Variants in CDH23 observed in about 807,000 individuals in gnomAD.
CDH23 encodes the protein cadherin-23.
Under a neutral mutation model 317.1 loss-of-function variants are expected in CDH23, and 189 were observed. The ratio of observed to expected loss-of-function variants is 0.60; its 90% CI spans 0.53 to 0.67. The LOEUF is 0.67. Ranked by LOEUF, CDH23 falls within the 30% of genes least tolerant of loss-of-function variation. The probability of loss-of-function intolerance (pLI) is 0.00; values close to 1 mark genes in which losing one functional copy is unlikely to be tolerated. For missense variants in CDH23, 4,401 were observed against 4,592.4 expected, an observed-to-expected ratio of 0.96 and a Z score of 1.20; for synonymous variants, 1,839 against 1,876.8, an observed-to-expected ratio of 0.98 and a Z score of 0.52.
Position 71,785,027 on chromosome 10 carries a change from G to A in CDH23, c.5639G>A (p.Ser1880Asn), listed in dbSNP as rs1564792238. ...VAHVLASDAD[S>N]GCNARLTFNI... ...CATGTCCTGGCCAGTGACGCTGACA[G>A]TGGCTGCAATGCACGCCTCACCTTC... The change falls in exon 43 of 70, where the codon AGT becomes AAT. Residue 1880 changes from serine (S) to asparagine (N), a missense_variant. Transcript: ENST00000224721. 6.2e-7 allele frequency: 1 copy of A among 1,614,080 alleles called. No individual in the cohort carries two copies. Among genetic ancestry groups the A allele is most frequent in the East Asian group, 2.2e-5 (1 of 44,892 alleles).
intron 11 of CDH23, among the ~76,000 whole-genome samples, chr10:71,632,491 C>T (rs999222775): frequency 6.6e-5 from 10 of 152,020 alleles, no homozygotes; most frequent in South Asian, 2.1e-4. Context: ...CAGAGAGCAC[C>T]GGTGGGTGGG....
intron 11 of CDH23, chr10:71,622,819 G>GATC (rs1402317108): frequency 2.5e-6 from 1 of 399,474 alleles, no homozygotes; most frequent in African/African-American, 2.2e-5. Flanking sequence ...AGAGGAGAGG[G>GATC]ATCGGGGTAG....
intron 9 of CDH23, among the ~76,000 whole-genome samples, chr10:71,593,214 G>A (rs544498566): frequency 7.2e-5 from 11 of 152,096 alleles, no homozygotes; most frequent in Non-Finnish European, 1.2e-4. Flanking sequence ...AGGTGGCACC[G>A]CAAATCACCG....
Position 71,785,665 on chromosome 10 carries a change from G to A in CDH23, c.5747G>A (p.Arg1916His), listed in dbSNP as rs746971522. 2.1e-5 allele frequency: 33 copies of A among 1,607,016 alleles called. No homozygotes were observed. Among genetic ancestry groups the A allele is most frequent in the South Asian group, 1.7e-4 (15 of 89,276 alleles). The stretch of plus-strand genomic sequence containing the variant: ...GTCACTGTGAACCGGCCCCTGGACC[G>A]CGAGCGGATCCCAGAGTACAAGCTG... ...GIVTVNRPLDRERIPEYKLTI... is the reference protein window; with the variant it reads ...GIVTVNRPLDHERIPEYKLTI... The change falls in exon 44 of 70, where the codon CGC becomes CAC. Residue 1916 changes from arginine to histidine, a missense_variant. Arg to His is a conservative substitution (Grantham distance 29). This residue lies in a region of CDH23 where 3,068 missense variants were observed against 3,203.3 expected (regional missense o/e 0.96). Transcript: ENST00000224721.
At position 71,739,752 on chromosome 10, in the gene CDH23, C is replaced by G; in HGVS notation, c.4468C>G (p.Leu1490Val). 1 of 1,612,254 alleles carries G rather than the reference C, an allele frequency of 6.2e-7. No homozygotes were observed. Residue 1490 changes from leucine to valine, a missense_variant, in exon 36 of 70, where the codon CTG becomes GTG. Leu to Val is a conservative substitution (Grantham distance 32, BLOSUM62 1). This residue lies in a region of CDH23 where 3,068 missense variants were observed against 3,203.3 expected (regional missense o/e 0.96). Coordinates refer to ENST00000224721, the MANE Select transcript of CDH23 (RefSeq NM_022124.6). ...GGCCAGGCCCCTGGACAGAGAAGAG[C>G]TGGATCACTACATCCTCCAGGTGGG... Reference protein sequence around the residue: ...FVARPLDREELDHYILQVVAS... With the variant: ...FVARPLDREEVDHYILQVVAS...
chr10:71,694,468 G>A (rs1865301906), intron 21 of CDH23, among the ~76,000 whole-genome samples: 1 of 152,102 alleles, frequency 6.6e-6, no homozygotes, highest in Non-Finnish European at 1.5e-5. Flanking sequence ...AGGAATGTAG[G>A]GGCACTTGGG....
At chr10:71,543,847 C>T (rs936273226) in intron 6 of CDH23, among the ~76,000 whole-genome samples, 2 of 152,186 alleles carry the variant, frequency 1.3e-5, no homozygotes, top group Non-Finnish European at 2.9e-5. Context: ...TGACTTGGTT[C>T]TCCCAAAGCT....
At chr10:71,673,489 G>A (rs191209313) in intron 14 of CDH23, among the ~76,000 whole-genome samples, 9 of 152,306 alleles carry the variant, frequency 5.9e-5, no homozygotes, top group South Asian at 2.1e-4. Context: ...CTTCTCCTCC[G>A]TCCCTGTAAA....
chr10:71,578,108 G>A (rs1858348625), intron 9 of CDH23, 116 bp downstream of exon 9: 3 of 1,006,994 alleles, frequency 3.0e-6, no homozygotes, highest in Non-Finnish European at 4.5e-6. Context: ...TGTGGGACAG[G>A]GTAGGAGACC....
At chr10:71,727,169 C>G (rs1224626188) in intron 30 of CDH23, among the ~76,000 whole-genome samples, 4 of 152,344 alleles carry the variant, frequency 2.6e-5, no homozygotes, top group African/African-American at 7.2e-5. Flanking sequence ...GTTAATACCC[C>G]CATCTTACAG....
At chr10:71,792,818 T>A (rs1248342450) in intron 47 of CDH23, among the ~76,000 whole-genome samples, 2 of 52,472 alleles carry the variant, frequency 3.8e-5, no homozygotes, top group African/African-American at 1.7e-4. Context: ...TAAGACTCCA[T>A]CTAAAAAAAA....
chr10:71,560,683 A>G (rs902687140), intron 6 of CDH23, among the ~76,000 whole-genome samples: 31 of 152,146 alleles, frequency 2.0e-4, no homozygotes, highest in Non-Finnish European at 1.9e-4. Context: ...ATGGGAGGGC[A>G]GAATCCCACT....
At chr10:71,498,552 G>A (rs1161492880) in intron 3 of CDH23, among the ~76,000 whole-genome samples, 2 of 147,172 alleles carry the variant, frequency 1.4e-5, no homozygotes, top group African/African-American at 2.7e-5. Flanking sequence ...TGCAGTGTTT[G>A]TTTTATCATC....
chr10:71,577,508 T>A (rs1858293534), intron 8 of CDH23, among the ~76,000 whole-genome samples: 1 of 152,140 alleles, frequency 6.6e-6, no homozygotes, highest in Admixed American at 6.5e-5. Flanking sequence ...TTGCTGTTAT[T>A]CTTATTAAGG....
intron 1 of CDH23, among the ~76,000 whole-genome samples, chr10:71,427,871 C>T (rs1490543497): frequency 6.6e-6 from 1 of 151,726 alleles, no homozygotes; most frequent in Non-Finnish European, 1.5e-5. Flanking sequence ...TGCTGCTATG[C>T]CTGGCTAATT....
intron 38 of CDH23, among the ~76,000 whole-genome samples, chr10:71,770,956 G>A (rs1840670558): frequency 6.6e-6 from 1 of 152,208 alleles, no homozygotes; most frequent in Non-Finnish European, 1.5e-5. Flanking sequence ...TGGGCAGTGG[G>A]TTGTGGATTT....
intron 6 of CDH23, among the ~76,000 whole-genome samples, chr10:71,521,346 G>A (rs1854667829): frequency 6.6e-6 from 1 of 152,128 alleles, no homozygotes; most frequent in Non-Finnish European, 1.5e-5. Flanking sequence ...TGGTGTGGGA[G>A]GCCTTTTCCC....
intron 11 of CDH23, among the ~76,000 whole-genome samples, chr10:71,631,428 G>A (rs983599318): frequency 1.3e-5 from 2 of 152,204 alleles, no homozygotes; most frequent in African/African-American, 4.8e-5. Context: ...GCAAGAGGGA[G>A]CACTGATGAC....
In CDH23 at chr10:71,706,973, C is replaced by T. The variant is rs776564709; in HGVS notation, c.3030C>T (p.Arg1010=). 45 of 1,607,200 alleles carry T rather than the reference C, an allele frequency of 2.8e-5. No homozygotes were observed. The highest frequency in any genetic ancestry group is 5.1e-5 in the Admixed American group (3 of 59,178). Residue 1010 remains arginine, a synonymous_variant, in exon 26 of 70, where the codon CGC becomes CGT. Coordinates refer to ENST00000224721, the MANE Select transcript of CDH23 (RefSeq NM_022124.6). ...YNVSVSEDVP[R]EFRVVWLNCT... is the part of the protein sequence containing the mutation. The stretch of plus-strand genomic sequence containing the variant: ...TGTCTGTGTCCGAGGACGTGCCACG[C>T]GAGTTCCGGGTGGTCTGGCTGAACT...
Sources: gnomAD v4.1 joint callset for allele counts (sites outside exome capture counted in the v4.1 genomes callset) on GRCh38, gnomAD v4.1.1 for gene constraint, gnomAD v4.1.1 regional missense constraint, MANE v1.5 for transcripts, NCBI Gene and HGNC (gene_info 2026-07-23, HGNC 2026-07-21) for gene names.